The following SP110 variants were observed in gnomAD, a reference collection of about 807,000 sequenced individuals.
SP110 encodes interferon-induced protein 41, 30kD.
SP110 carries 62 observed loss-of-function variants against 92.7 expected under a neutral mutation model. The observed-to-expected ratio is 0.67, with a 90% CI of 0.55 to 0.83. The LOEUF (loss-of-function observed/expected upper bound fraction) is 0.83, where lower values mean the gene tolerates loss of function less well. Among genes scored for constraint, SP110 ranks in the 40% least tolerant of loss-of-function variants. The pLI, the probability that SP110 is intolerant of heterozygous loss-of-function variation, is 0.00. For missense variants in SP110, 793 were observed against 863.9 expected, an observed-to-expected ratio of 0.92 and a Z score of 1.03; for synonymous variants, 273 against 305.3, an observed-to-expected ratio of 0.89 and a Z score of 1.10.
intron 2 of SP110, among the ~76,000 whole-genome samples, 177 bp from the exon 3 acceptor site, chr2:230,215,295 T>C (rs894490218): frequency 2.0e-5 from 3 of 152,208 alleles, no homozygotes; most frequent in Non-Finnish European, 4.4e-5. Flanking sequence ...TGCTTATTTT[T>C]GAAACTTTAC....
intron 12 of SP110, among the ~76,000 whole-genome samples, chr2:230,181,013 A>C (rs761542510): frequency 6.6e-6 from 1 of 152,208 alleles, no homozygotes. Context: ...ATGTAGATCA[A>C]AGTGCTTTGC....
At chr2:230,183,358 G>C (rs1174042189) in intron 12 of SP110, among the ~76,000 whole-genome samples, 1 of 152,226 alleles carries the variant, frequency 6.6e-6, no homozygotes, top group East Asian at 1.9e-4. Context: ...CTGTGTTAAA[G>C]AATCCTTCCA....
At chr2:230,186,260 C>A in intron 10 of SP110, 117 bp from the exon 11 acceptor site, 1 of 984,830 alleles carries the variant, frequency 1.0e-6, no homozygotes, top group South Asian at 1.5e-5. Flanking sequence ...TTGTGTGTAT[C>A]TTTCTTCCCC....
chr2:230,224,947 T>C (rs917910837), upstream of SP110, among the ~76,000 whole-genome samples: 2 of 152,244 alleles, frequency 1.3e-5, no homozygotes, highest in Non-Finnish European at 2.9e-5. Context: ...TGATATAGTG[T>C]GTTTTTGTAA....
At chr2:230,171,539 A>T in intron 17 of SP110, 157 bp downstream of exon 17, 2 of 698,266 alleles carry the variant, frequency 2.9e-6, no homozygotes, top group Admixed American at 2.1e-5. Flanking sequence ...CCCTCTCCAG[A>T]GTGTGCAGCA....
rs1265083194 is a variant in SP110, at chr2:230,177,548, T to C, written c.1580A>G (p.Glu527Gly). The stretch of plus-strand genomic sequence containing the variant: ...CCGTCATTATAATACCTTCAGCAGC[T>C]CTCCTAGGGTCATTCCTTCACAACG... ...NIRCEGMTLG[E>G]LLKRKNSDEC... Residue 527 changes from glutamate (E) to glycine (G), a missense_variant, in exon 14 of 19, where the codon GAG (glutamate) becomes GGG (glycine). By Grantham distance (98) the Glu-to-Gly change is moderately conservative. Coordinates refer to ENST00000258381, the MANE Select transcript of SP110 (RefSeq NM_080424.4). 4 of 1,614,116 alleles carry C rather than the reference T, an allele frequency of 2.5e-6. No individual in the cohort carries two copies. The highest frequency in any genetic ancestry group is 3.4e-6 in the Non-Finnish European group (4 of 1,179,946).
At chr2:230,195,475 C>G (rs2042829411) in intron 10 of SP110, among the ~76,000 whole-genome samples, 1 of 152,084 alleles carries the variant, frequency 6.6e-6, no homozygotes, top group Non-Finnish European at 1.5e-5. Context: ...GCTGGCATAA[C>G]AGGTATGCAC....
rs201002124 is a variant in SP110, at chr2:230,212,343, T to C, written c.667+4A>G. ...TAAGCGGTATCAGCCCCAGTCAGTG[T>C]TACCTTGCACAGTGCTAGTGAGGAG... On this transcript the variant is annotated splice_donor_region_variant and intron_variant, in intron 5 of 18. Transcript: ENST00000258381. The C allele has an allele frequency of 3.1e-6, 5 of 1,605,634 alleles. No individual in the cohort carries two copies. Among genetic ancestry groups the C allele is most frequent in the Middle Eastern group, 1.7e-4 (1 of 6,052 alleles).
intron 14 of SP110, 79 bp from the exon 15 acceptor site, chr2:230,173,038 T>C (rs2078490894): frequency 1.0e-6 from 1 of 970,320 alleles, no homozygotes; most frequent in African/African-American, 1.6e-5. Context: ...CTAGAACACA[T>C]CATTTTTGTG....
intron 10 of SP110, among the ~76,000 whole-genome samples, chr2:230,191,849 C>T (rs1327113213): frequency 1.3e-5 from 2 of 152,134 alleles, no homozygotes; most frequent in Admixed American, 1.3e-4. Context: ...AAATTTCAGG[C>T]CAATATCCCT....
At chr2:230,219,344 G>A (rs181708931) in intron 1 of SP110, among the ~76,000 whole-genome samples, 3 of 152,334 alleles carry the variant, frequency 2.0e-5, no homozygotes, top group African/African-American at 4.8e-5. Flanking sequence ...ACTGTGAGTG[G>A]GAAGGTCAAC....
intron 8 of SP110, among the ~76,000 whole-genome samples, chr2:230,206,629 A>ATATATATATATT: frequency 9.6e-6 from 1 of 104,644 alleles, no homozygotes; most frequent in Non-Finnish European, 2.0e-5. Flanking sequence ...ATATATATAT[A>ATATATATATATT]TATATATATG....
intron 6 of SP110, among the ~76,000 whole-genome samples, chr2:230,210,643 A>G (rs2044364372): frequency 6.6e-6 from 1 of 152,248 alleles, no homozygotes; most frequent in African/African-American, 2.4e-5. Context: ...GCAAAGACAT[A>G]TAAAGCTCTG....
At chr2:230,182,296 T>C (rs2042164084) in intron 12 of SP110, among the ~76,000 whole-genome samples, 1 of 152,068 alleles carries the variant, frequency 6.6e-6, no homozygotes, top group African/African-American at 2.4e-5. Context: ...CAGCACACAT[T>C]GGGGCCTATC....
chr2:230,168,910 A>C lies in SP110; in HGVS notation c.*214T>G. 4.9e-6 allele frequency: 2 copies of C among 404,162 alleles called. No homozygotes were observed. Among genetic ancestry groups the C allele is most frequent in the Non-Finnish European group, 9.1e-6 (2 of 220,496 alleles). 25.0% of individuals were successfully genotyped at this position (404,162 alleles called of 1,614,324 possible). A position where few individuals can be genotyped will look rare whatever the true frequency, so the allele number is the denominator to read the frequency against. Reference sequence around the variant, plus strand: ...ATGGGGTATCTGATGGTATTAAGGAAGTATTAATTTTTTTTTTTTTTAGTG... The same window carrying C: ...ATGGGGTATCTGATGGTATTAAGGACGTATTAATTTTTTTTTTTTTTAGTG... On this transcript the variant is annotated 3_prime_UTR_variant, in exon 19 of 19. Coordinates refer to ENST00000258381, the MANE Select transcript of SP110 (RefSeq NM_080424.4).
intron 12 of SP110, among the ~76,000 whole-genome samples, chr2:230,179,481 T>TC (rs2042027546): frequency 3.7e-5 from 1 of 26,714 alleles, no homozygotes; most frequent in African/African-American, 1.4e-4. Flanking sequence ...GGAGCCAGAC[T>TC]GGGGGGCAGG....
Position 230,208,061 on chromosome 2 carries a change from TA to T in SP110, c.830-3del, listed in dbSNP as rs1432532261. 1.0e-5 allele frequency: 15 copies of T among 1,468,600 alleles called. No individual in the cohort carries two copies. The highest frequency in any genetic ancestry group is 1.4e-5 in the Non-Finnish European group (15 of 1,050,508). The allele number at this position is 1,468,600 out of a possible 1,614,324, so 91.0% of individuals were successfully genotyped here. On this transcript the variant is annotated splice_region_variant and splice_polypyrimidine_tract_variant and intron_variant, in intron 7 of 18. Coordinates refer to ENST00000258381, the MANE Select transcript of SP110 (RefSeq NM_080424.4). Reference sequence around the variant, plus strand: ...AGATACATCTTTTTCTTTTCTTTCCTAAAAAGAAAGGATAATGTTTTATAGT... The same window carrying T: ...AGATACATCTTTTTCTTTTCTTTCCTAAAAGAAAGGATAATGTTTTATAGT...
At chr2:230,205,597 T>A (rs1294275944) in intron 8 of SP110, among the ~76,000 whole-genome samples, 1 of 148,722 alleles carries the variant, frequency 6.7e-6, no homozygotes, top group Admixed American at 6.6e-5. Flanking sequence ...CTTTCTCTCT[T>A]TAAAAAAAAA....
chr2:230,220,413 C>CA (rs547679556), upstream of SP110, among the ~76,000 whole-genome samples: 898 of 152,088 alleles, frequency 5.9e-3, 7 homozygotes, highest in Non-Finnish European at 0.011. Flanking sequence ...TAACAACACA[C>CA]AAAAAAACAA....
Sources: allele counts gnomAD v4.1 joint callset (sites outside exome capture counted in the v4.1 genomes callset), GRCh38; gene constraint gnomAD v4.1.1; transcripts MANE v1.5; gene names NCBI Gene and HGNC (gene_info 2026-07-23, HGNC 2026-07-21).